NELL1: variants seen among roughly 807,000 people sequenced by gnomAD.
NELL1 encodes protein kinase C-binding protein NELL1.
A neutral mutation model predicts 107.4 loss-of-function variants in NELL1; 76 were observed. The observed-to-expected ratio is 0.71, with a 90% CI of 0.59 to 0.86. The LOEUF (loss-of-function observed/expected upper bound fraction) is 0.86, where lower values mean the gene tolerates loss of function less well. Ranked by LOEUF, NELL1 falls within the 40% of genes least tolerant of loss-of-function variation. The pLI is 0.00. For synonymous variants in NELL1, 353 were observed against 341.2 expected (o/e 1.03, Z -0.38); for missense variants, 1,024 against 1,005.5 (o/e 1.02, Z -0.25).
intron 12 of NELL1, among the ~76,000 whole-genome samples, chr11:21,059,266 T>TG (rs1565037985): frequency 9.7e-5 from 1 of 10,358 alleles, no homozygotes; most frequent in East Asian, 0.5. Context: ...TTTTGTTTTG[T>TG]TTTTTTTTTT....
At chr11:21,062,594 G>T (rs1853767972) in intron 12 of NELL1, among the ~76,000 whole-genome samples, 2 of 152,008 alleles carry the variant, frequency 1.3e-5, no homozygotes, top group Admixed American at 6.6e-5. Context: ...AACATCAATT[G>T]GTATACTGCA....
chr11:21,525,017 C>T (rs1425972155), intron 15 of NELL1, among the ~76,000 whole-genome samples: 8 of 152,074 alleles, frequency 5.3e-5, no homozygotes, highest in African/African-American at 1.9e-4. Flanking sequence ...ATAGTAAATG[C>T]GTTTCTGAGT....
intron 13 of NELL1, among the ~76,000 whole-genome samples, chr11:21,122,308 T>C (rs1185780152): frequency 6.6e-6 from 1 of 152,198 alleles, no homozygotes; most frequent in Non-Finnish European, 1.5e-5. Context: ...AGGAGTTTCA[T>C]TAAGGATGCT....
chr11:21,052,022 C>A (rs1031348059), intron 12 of NELL1, among the ~76,000 whole-genome samples: 1 of 152,006 alleles, frequency 6.6e-6, no homozygotes, highest in Non-Finnish European at 1.5e-5. Flanking sequence ...GGGAAGCGTA[C>A]GATTTTTAGT....
At chr11:21,388,449 A>T (rs535692639) in intron 15 of NELL1, among the ~76,000 whole-genome samples, 3 of 152,000 alleles carry the variant, frequency 2.0e-5, no homozygotes, top group South Asian at 4.1e-4. Flanking sequence ...TGTATTTGAG[A>T]ACAAGAACAA....
chr11:20,675,699 A>G lies in NELL1; in HGVS notation c.56-2233A>G, dbSNP rs186143311. On this transcript the variant is annotated intron_variant, in intron 1 of 19. Transcript: ENST00000357134. ...TATCTCAGAATTAGAATAACATCCA[A>G]GCTCCTTTTGGGTCACAGGGCTTAT... Among the ~76,000 whole-genome samples, 33 of 152,114 alleles carry G rather than the reference A, an allele frequency of 2.2e-4. No individual in the cohort carries two copies. In the East Asian group the frequency reaches 5.6e-3, roughly 26 times the overall value.
intron 15 of NELL1, among the ~76,000 whole-genome samples, chr11:21,522,834 C>CTTTTTTTTTTT (rs66707466): frequency 5.8e-5 from 4 of 68,432 alleles, no homozygotes; most frequent in African/African-American, 1.2e-4. Flanking sequence ...TTTTTCTTTT[C>CTTTTTTTTTTT]TTTTTTTTTT....
chr11:21,191,293 C>T (rs776147762), intron 13 of NELL1, among the ~76,000 whole-genome samples: 5 of 151,656 alleles, frequency 3.3e-5, no homozygotes, highest in African/African-American at 9.7e-5. Flanking sequence ...GAGAGAACCA[C>T]GCATATAGCA....
intron 13 of NELL1, among the ~76,000 whole-genome samples, chr11:21,210,683 A>T (rs567144451): frequency 6.6e-6 from 1 of 152,236 alleles, no homozygotes; most frequent in East Asian, 1.9e-4. Context: ...GTCTTCAACA[A>T]TTTTTTGCAA....
chr11:21,013,778 A>C (rs147945429), intron 12 of NELL1, among the ~76,000 whole-genome samples: 1 of 152,170 alleles, frequency 6.6e-6, no homozygotes, highest in Non-Finnish European at 1.5e-5. Context: ...AGATTTCCTT[A>C]GTTTTTGCCT....
intron 15 of NELL1, among the ~76,000 whole-genome samples, chr11:21,471,168 A>G (rs1030593252): frequency 6.6e-6 from 1 of 152,020 alleles, no homozygotes; most frequent in African/African-American, 2.4e-5. Flanking sequence ...ACAAGAAGAA[A>G]TGGTCCCATA....
intron 14 of NELL1, among the ~76,000 whole-genome samples, chr11:21,253,698 G>A (rs1408373529): frequency 6.6e-6 from 1 of 152,122 alleles, no homozygotes; most frequent in African/African-American, 2.4e-5. Flanking sequence ...AATTGGGATA[G>A]AACATGTGAT....
chr11:21,271,273 C>T (rs562088421), intron 14 of NELL1, among the ~76,000 whole-genome samples: 19 of 152,100 alleles, frequency 1.2e-4, no homozygotes, highest in Admixed American at 1.2e-3. Flanking sequence ...AGAAGGAAGA[C>T]AAATCACTAA....
intron 18 of NELL1, among the ~76,000 whole-genome samples, chr11:21,572,013 G>A (rs1397231842): frequency 6.6e-6 from 1 of 151,740 alleles, no homozygotes; most frequent in Non-Finnish European, 1.5e-5. Context: ...AATCTTAACA[G>A]AATATGTCTT....
At chr11:21,195,909 A>C (rs1857142219) in intron 13 of NELL1, among the ~76,000 whole-genome samples, 1 of 152,230 alleles carries the variant, frequency 6.6e-6, no homozygotes. Flanking sequence ...GCCATAGGCA[A>C]GTAATACTAT....
intron 7 of NELL1, among the ~76,000 whole-genome samples, chr11:20,925,545 C>T (rs555456678): frequency 6.6e-6 from 1 of 151,340 alleles, no homozygotes; most frequent in Admixed American, 6.6e-5. Flanking sequence ...CTTGGCCTCC[C>T]AAAGTGCTGG....
At chr11:21,448,178 CT>C (rs1305527377) in intron 15 of NELL1, among the ~76,000 whole-genome samples, 2 of 152,118 alleles carry the variant, frequency 1.3e-5, no homozygotes, top group Non-Finnish European at 1.5e-5. Context: ...TTCTCACTTG[CT>C]TTTTGGTTCT....
At chr11:21,073,898 T>C (rs975795494) in intron 12 of NELL1, among the ~76,000 whole-genome samples, 7 of 152,154 alleles carry the variant, frequency 4.6e-5, no homozygotes, top group African/African-American at 1.7e-4. Flanking sequence ...ATGGAGGTAG[T>C]TTTAAAGAGG....
intron 14 of NELL1, among the ~76,000 whole-genome samples, chr11:21,268,295 A>AC (rs1429647209): frequency 1.3e-5 from 2 of 152,138 alleles, no homozygotes; most frequent in Non-Finnish European, 2.9e-5. Flanking sequence ...CAGGAGCTTG[A>AC]CCAGCTTCTA....
Sources: allele counts gnomAD v4.1 joint callset (sites outside exome capture counted in the v4.1 genomes callset), GRCh38; gene constraint gnomAD v4.1.1; transcripts MANE v1.5; gene names NCBI Gene and HGNC (gene_info 2026-07-23, HGNC 2026-07-21).